SH3D19: variants seen among roughly 807,000 people sequenced by gnomAD.
SH3D19 encodes the protein SH3 domain-containing protein 19.
SH3D19 carries 58 observed loss-of-function variants against 112.1 expected under a neutral mutation model. The observed-to-expected ratio is 0.52, with a 90% CI of 0.42 to 0.64. SH3D19 has a LOEUF of 0.64. SH3D19 is among the 30% of genes least tolerant of loss of function. The probability of loss-of-function intolerance (pLI) is 0.00; values close to 1 mark genes in which losing one functional copy is unlikely to be tolerated. For synonymous variants in SH3D19, 391 were observed against 448.5 expected (o/e 0.87, Z 1.62); for missense variants, 1,090 against 1,263.4 (o/e 0.86, Z 2.08).
Position 151,213,861 on chromosome 4 carries a change from A to T in SH3D19, c.152+12186T>A, listed in dbSNP as rs574609429. ...GCCACCGTGACTGGCTAACTTTTAA[A>T]TTTTTTTTTTTTTAATTTTATTTTT... On this transcript the variant is annotated intron_variant, in intron 2 of 19. Transcript: ENST00000604030. Among the ~76,000 whole-genome samples the T allele has an allele frequency of 9.5e-5, 14 of 147,810 alleles. 1 individual carries two copies. Among genetic ancestry groups the T allele is most frequent in the Middle Eastern group, 3.5e-3 (1 of 284 alleles).
At chr4:151,316,621 T>C (rs1730008649) in intron 1 of SH3D19, among the ~76,000 whole-genome samples, 1 of 152,166 alleles carries the variant, frequency 6.6e-6, no homozygotes, top group African/African-American at 2.4e-5. Flanking sequence ...TTGGTATAAC[T>C]TGGAACAAAT....
chr4:151,127,607 C>T lies in SH3D19; in HGVS notation c.3027+11G>A. 6.5e-7 allele frequency: 1 copy of T among 1,533,278 alleles called. No homozygotes were observed. Among genetic ancestry groups the T allele is most frequent in the Non-Finnish European group, 8.9e-7 (1 of 1,126,066 alleles). The allele number at this position is 1,533,278 out of a possible 1,614,324, so 95.0% of individuals were successfully genotyped here. On this transcript the variant is annotated intron_variant, in intron 19 of 19. Transcript: ENST00000604030. Reference sequence around the variant, plus strand: ...TGCTTAATGCAGTTATGAAGAGATACACATTCTGACCTTGAAGGAAAGTTC... The same window carrying T: ...TGCTTAATGCAGTTATGAAGAGATATACATTCTGACCTTGAAGGAAAGTTC...
At position 151,184,159 on chromosome 4, in the gene SH3D19, G is replaced by C. The variant is rs183341780; in HGVS notation, c.193+3264C>G. Among the ~76,000 whole-genome samples, 120 of 152,222 alleles carry C rather than the reference G, an allele frequency of 7.9e-4. 1 individual carries two copies. The highest frequency in any genetic ancestry group is 2.7e-3 in the African/African-American group (113 of 41,534). Reference sequence around the variant, plus strand: ...CAGGATTCACAAGAATACATGCAAAGAAAAGGACCCCAAGGCTTGACTGGA... The same window carrying C: ...CAGGATTCACAAGAATACATGCAAACAAAAGGACCCCAAGGCTTGACTGGA... On this transcript the variant is annotated intron_variant, in intron 3 of 19. Coordinates refer to ENST00000604030, the MANE Select transcript of SH3D19 (RefSeq NM_001378122.1).
intron 14 of SH3D19, 114 bp from the exon 15 acceptor site, chr4:151,135,246 G>C: frequency 1.4e-6 from 1 of 729,270 alleles, no homozygotes. Context: ...TTAGCTAGGT[G>C]TTAATCTGAT....
chr4:151,227,686 T>G, intron 1 of SH3D19: 1 of 924,408 alleles, frequency 1.1e-6, no homozygotes, highest in Non-Finnish European at 1.3e-6. Flanking sequence ...AAAAATGAAG[T>G]ATAATGTCTC....
Position 151,144,045 on chromosome 4 carries a change from C to T in SH3D19, c.2088G>A (p.Gly696=), listed in dbSNP as rs3736502. 0.047 allele frequency: 75,969 copies of T among 1,613,342 alleles called. 2,817 individuals are homozygous for T. The highest frequency in any genetic ancestry group is 0.19 in the East Asian group (8,406 of 44,866). ...TCTGCTTCAGCATCACAAGTACATC[C>T]CCACGCTGCAAGGTACAATACCACT... ...GHPLYSKYMR[G]DVLVMLKQTE... Residue 696 remains glycine (G), a synonymous_variant, in exon 12 of 20, where the codon GGG becomes GGA. Coordinates refer to ENST00000604030, the MANE Select transcript of SH3D19 (RefSeq NM_001378122.1).
At chr4:151,277,174 T>C (rs780186394) in intron 1 of SH3D19, 1 of 1,481,944 alleles carries the variant, frequency 6.7e-7, no homozygotes, top group Non-Finnish European at 9.1e-7. Flanking sequence ...GACAGAGACA[T>C]GGGCCCTGCT....
chr4:151,228,078 T>G, intron 1 of SH3D19: 1 of 975,726 alleles, frequency 1.0e-6, no homozygotes, highest in Non-Finnish European at 1.2e-6. Context: ...CTACAGTCAT[T>G]TTTATACTTT....
rs201719037 is a variant in SH3D19 at position 151,194,016 on chromosome 4, A to ATTTTTTTTTTTTT, written c.153-6566_153-6554dup. 4.3e-4 allele frequency among the ~76,000 whole-genome samples: 48 copies of ATTTTTTTTTTTTT among 111,890 alleles called. 3 individuals are homozygous for ATTTTTTTTTTTTT. Among genetic ancestry groups the ATTTTTTTTTTTTT allele is most frequent in the African/African-American group, 1.9e-3 (43 of 22,444 alleles). The allele number at this position is 111,890 out of a possible 152,430, so 73.4% of individuals were successfully genotyped here. A position where few individuals can be genotyped will look rare whatever the true frequency, so the allele number is the denominator to read the frequency against. ...GATGTGTAGCAGTATAGTAGGATTAATTTTTTTTTTTTTTTTTTTTTTTTT... is the reference window on the plus strand; with the variant it reads ...GATGTGTAGCAGTATAGTAGGATTAATTTTTTTTTTTTTTTTTTTTTTTTTTTTTTTTTTTTTT... On this transcript the variant is annotated intron_variant, in intron 2 of 19. Transcript: ENST00000604030.
chr4:151,202,160 C>G (rs1369191805), intron 2 of SH3D19, among the ~76,000 whole-genome samples: 1 of 151,960 alleles, frequency 6.6e-6, no homozygotes, highest in Non-Finnish European at 1.5e-5. Flanking sequence ...ACGGTGAAAC[C>G]CTGTCTCTAC....
chr4:151,125,845 C>CAAAAAAA lies in SH3D19; in HGVS notation c.3027+1766_3027+1772dup, dbSNP rs66688611. ...ACAGAGCGAGACTCCATCTCAAAAA[C>CAAAAAAA]AAAAAAAAAAAAAAAAAAAAAGAAA... On this transcript the variant is annotated intron_variant, in intron 19 of 19. Transcript: ENST00000604030. 2.7e-3 allele frequency among the ~76,000 whole-genome samples: 252 copies of CAAAAAAA among 94,204 alleles called. 4 individuals are homozygous for CAAAAAAA. Among genetic ancestry groups the CAAAAAAA allele is most frequent in the African/African-American group, 4.2e-3 (110 of 26,498 alleles). The allele number at this position is 94,204 out of a possible 152,430, so 61.8% of individuals were successfully genotyped here.
At chr4:151,224,746 T>C (rs982672795) in intron 2 of SH3D19, among the ~76,000 whole-genome samples, 2 of 152,198 alleles carry the variant, frequency 1.3e-5, no homozygotes, top group Non-Finnish European at 2.9e-5. Context: ...AGTGTTTTGC[T>C]ATGTTGCCTA....
intron 12 of SH3D19, chr4:151,140,678 C>G (rs2280281): frequency 6.6e-6 from 1 of 152,318 alleles, no homozygotes; most frequent in East Asian, 1.9e-4. Context: ...ACTTAACACT[C>G]TTCAACACTG....
rs115339915 is a variant in SH3D19 at position 151,144,018 on chromosome 4, C to T, written c.2115G>A (p.Thr705=). ...TTTGGCACTCCAAGTAATTATTTTC[C>T]GTCTGCTTCAGCATCACAAGTACAT... ...RGDVLVMLKQ[T]ENNYLECQKG... The change falls in exon 12 of 20, where the codon ACG becomes ACA. Residue 705 remains threonine, a synonymous_variant. Transcript: ENST00000604030. 1.5e-3 allele frequency: 2,497 copies of T among 1,614,026 alleles called. 33 individuals carry two copies. The African/African-American group carries it at 0.031, about 20-fold the overall frequency.
intron 2 of SH3D19, among the ~76,000 whole-genome samples, chr4:151,193,383 G>A (rs968237524): frequency 3.3e-5 from 5 of 151,918 alleles, no homozygotes; most frequent in Non-Finnish European, 5.9e-5. Flanking sequence ...GAGATGGTAC[G>A]GTAGACTTCA....
At chr4:151,157,001 A>T (rs1756239883) in intron 9 of SH3D19, among the ~76,000 whole-genome samples, 1 of 152,162 alleles carries the variant, frequency 6.6e-6, no homozygotes, top group Non-Finnish European at 1.5e-5. Flanking sequence ...AAATGGGCAA[A>T]TAAACTTTGG....
chr4:151,322,594 A>G (rs1002677304), intron 1 of SH3D19, among the ~76,000 whole-genome samples: 2 of 152,070 alleles, frequency 1.3e-5, no homozygotes, highest in Non-Finnish European at 2.9e-5. Flanking sequence ...ACATAAATAC[A>G]TTTTATAAAG....
At chr4:151,165,519 A>G in intron 8 of SH3D19, 70 bp downstream of exon 8, 4 of 1,191,270 alleles carry the variant, frequency 3.4e-6, no homozygotes, top group Non-Finnish European at 4.9e-6. Flanking sequence ...AAAAGCAGAC[A>G]TTGATAAATT....
intron 1 of SH3D19, among the ~76,000 whole-genome samples, chr4:151,320,751 A>T (rs1258017361): frequency 6.6e-6 from 1 of 151,982 alleles, no homozygotes; most frequent in Non-Finnish European, 1.5e-5. Flanking sequence ...ACAAACAAAA[A>T]AAACAGAACC....
Sources: allele counts gnomAD v4.1 joint callset (sites outside exome capture counted in the v4.1 genomes callset), GRCh38; gene constraint gnomAD v4.1.1; transcripts MANE v1.5; gene names NCBI Gene and HGNC (gene_info 2026-07-23, HGNC 2026-07-21).